Variants in SLC30A10 observed in about 807,000 individuals in gnomAD.
SLC30A10 encodes calcium/manganese antiporter SLC30A10.
Under a neutral mutation model 21.7 loss-of-function variants are expected in SLC30A10, and 8 were observed. That is an observed-to-expected ratio of 0.37 (90% CI 0.22 to 0.67). The LOEUF is 0.67. Ranked by LOEUF, SLC30A10 falls within the 30% of genes least tolerant of loss-of-function variation. SLC30A10 has a pLI of 0.58. For synonymous variants in SLC30A10, 272 were observed against 279.4 expected (o/e 0.97, Z 0.26); for missense variants, 521 against 642.5 (o/e 0.81, Z 2.04).
rs1660189690 is a variant in SLC30A10, at chr1:219,946,664, C to T, written n.80+11904G>A. Among the ~76,000 whole-genome samples the T allele has an allele frequency of 2.6e-5, 4 of 152,184 alleles. No individual in the cohort carries two copies. The South Asian group carries it at 8.3e-4, about 32-fold the overall frequency. Reference sequence around the variant, plus strand: ...CAGCCCTTCCTGGGCTTCCTCCTTCCAACTGCCTGCCCACTGAGAAGGCAC... The same window carrying T: ...CAGCCCTTCCTGGGCTTCCTCCTTCTAACTGCCTGCCCACTGAGAAGGCAC... On this transcript the variant is annotated intron_variant and non_coding_transcript_variant, in intron 1 of 8. Transcript: ENST00000484239.
rs756360673 is a variant in SLC30A10 at position 219,911,635 on chromosome 1, A to T, written c.*3814T>A. Among the ~76,000 whole-genome samples the T allele has an allele frequency of 2.6e-5, 4 of 152,192 alleles. No homozygotes were observed. Among genetic ancestry groups the T allele is most frequent in the Non-Finnish European group, 5.9e-5 (4 of 68,032 alleles). On this transcript the variant is annotated 3_prime_UTR_variant, in exon 4 of 4. Transcript: ENST00000366926. ...TTTCAAATTACATTTTTCTTTAAATATCCAAAGTTCTTATGTGGAAACAAC... is the reference window on the plus strand; with the variant it reads ...TTTCAAATTACATTTTTCTTTAAATTTCCAAAGTTCTTATGTGGAAACAAC...
chr1:219,937,201 G>C lies in SLC30A10; in HGVS notation n.81-10096C>G, dbSNP rs377429512. ...TCATTGTATCTTGACATTGCATGTCGCTGTGGAAAAATCTGAGTACAGCCT... is the reference window on the plus strand; with the variant it reads ...TCATTGTATCTTGACATTGCATGTCCCTGTGGAAAAATCTGAGTACAGCCT... On this transcript the variant is annotated intron_variant and non_coding_transcript_variant, in intron 1 of 8. Coordinates refer to the SLC30A10 transcript ENST00000484239. Among the ~76,000 whole-genome samples, 9 of 152,198 alleles carry C rather than the reference G, an allele frequency of 5.9e-5. No individual in the cohort carries two copies. In the East Asian group the frequency reaches 1.7e-3, roughly 29 times the overall value.
chr1:219,937,483 G>A (rs2102541058), intron 1 of SLC30A10, among the ~76,000 whole-genome samples: 1 of 152,300 alleles, frequency 6.6e-6, no homozygotes, highest in South Asian at 2.1e-4. Flanking sequence ...TCTGCTCTTT[G>A]TTTTCCATAT....
intron 2 of SLC30A10, among the ~76,000 whole-genome samples, chr1:219,921,933 G>C (rs369958524): frequency 2.8e-3 from 423 of 149,538 alleles, no homozygotes; most frequent in African/African-American, 9.9e-3. Context: ...GAGAGAGAGA[G>C]AGAGAGAGAG....
intron 2 of SLC30A10, among the ~76,000 whole-genome samples, chr1:219,925,651 A>ATATATATATATATATTTT (rs1317554458): frequency 1.1e-3 from 55 of 48,278 alleles, no homozygotes; most frequent in Non-Finnish European, 1.5e-3. Context: ...ATATATATAT[A>ATATATATATATATATTTT]TTTTTTTTTT....
rs869249213 is a variant in SLC30A10 at position 219,922,176 on chromosome 1, G to GTTTTTTTTTTTT, written c.719-3694_719-3683dup. Among the ~76,000 whole-genome samples the GTTTTTTTTTTTT allele has an allele frequency of 4.9e-4, 18 of 36,436 alleles. 1 individual carries two copies. The highest frequency in any genetic ancestry group is 7.6e-4 in the Non-Finnish European group (15 of 19,684). The allele number at this position is 36,436 out of a possible 152,430, so 23.9% of individuals were successfully genotyped here. A position where few individuals can be genotyped will look rare whatever the true frequency, so the allele number is the denominator to read the frequency against. On this transcript the variant is annotated intron_variant, in intron 2 of 3. Transcript: ENST00000366926. ...TTCTTGTTTGTGTGTGTGTGTGTGT[G>GTTTTTTTTTTTT]TTTTTTTTTTTTTTTTTTTTTTTTT...
rs1191044803 is a variant in SLC30A10 at position 219,940,887 on chromosome 1, T to C, written n.81-13782A>G. Among the ~76,000 whole-genome samples the C allele has an allele frequency of 3.9e-5, 6 of 152,318 alleles. No individual in the cohort carries two copies. The South Asian group carries it at 1.0e-3, about 26-fold the overall frequency. ...TCAGAGAGGTGAGGGTTGATCAGATTTGTTTGGACAACTGTTGCCTTTGGC... is the reference window on the plus strand; with the variant it reads ...TCAGAGAGGTGAGGGTTGATCAGATCTGTTTGGACAACTGTTGCCTTTGGC... On this transcript the variant is annotated intron_variant and non_coding_transcript_variant, in intron 1 of 8. Coordinates refer to the SLC30A10 transcript ENST00000484239.
chr1:219,936,635 T>C (rs1344302178), intron 1 of SLC30A10, among the ~76,000 whole-genome samples: 1 of 152,188 alleles, frequency 6.6e-6, no homozygotes, highest in Non-Finnish European at 1.5e-5. Context: ...TTTCATTTCT[T>C]GTCTGGTCAT....
chr1:219,927,205 A>G (rs1659846746), intron 1 of SLC30A10, 100 bp from the exon 2 acceptor site: 1 of 1,297,000 alleles, frequency 7.7e-7, no homozygotes, highest in Non-Finnish European at 1.1e-6. Flanking sequence ...TTAAATTTCT[A>G]CTAGCTTAAG....
In SLC30A10 at chr1:219,914,406, C is replaced by T. The variant is rs1269114379; in HGVS notation, c.*1043G>A. The T allele has an allele frequency of 1.3e-5, 2 of 152,166 alleles. No homozygotes were observed. Among genetic ancestry groups the T allele is most frequent in the Non-Finnish European group, 2.9e-5 (2 of 68,024 alleles). The allele number at this position is 152,166 out of a possible 1,614,324, so 9.4% of individuals were successfully genotyped here. ...AGCTAATTCTCATTTCTCCCTTGGG[C>T]ATCAACTTTTTCATTGAGTTACTAG... On this transcript the variant is annotated 3_prime_UTR_variant, in exon 4 of 4. Coordinates refer to ENST00000366926, the MANE Select transcript of SLC30A10 (RefSeq NM_018713.3).
Position 219,910,571 on chromosome 1 carries a change from T to G in SLC30A10, c.*4878A>C, listed in dbSNP as rs187435045. Among the ~76,000 whole-genome samples, 1 of 152,328 alleles carries G rather than the reference T, an allele frequency of 6.6e-6. No individual in the cohort carries two copies. Among genetic ancestry groups the G allele is most frequent in the Non-Finnish European group, 1.5e-5 (1 of 68,028 alleles). Reference sequence around the variant, plus strand: ...TTATTTAAACTTTATGTCTTAGAGTTTTGACAGTTCTCTCAAATGTGAGGA... The same window carrying G: ...TTATTTAAACTTTATGTCTTAGAGTGTTGACAGTTCTCTCAAATGTGAGGA... On this transcript the variant is annotated 3_prime_UTR_variant, in exon 4 of 4. Transcript: ENST00000366926.
rs2102528291 is a variant in SLC30A10 at position 219,920,811 on chromosome 1, G to GT, written c.719-2318dup. On this transcript the variant is annotated intron_variant, in intron 2 of 3. Transcript: ENST00000366926. Reference sequence around the variant, plus strand: ...ATGTGAATTACAGGGCCTGAGCTACGTGACAGGCAGCTGTAAGCTGTTGTA... The same window carrying GT: ...ATGTGAATTACAGGGCCTGAGCTACGTTGACAGGCAGCTGTAAGCTGTTGTA... Among the ~76,000 whole-genome samples, 4 of 152,284 alleles carry GT rather than the reference G, an allele frequency of 2.6e-5. No homozygotes were observed. The East Asian group carries it at 7.7e-4, about 29-fold the overall frequency.
At chr1:219,948,824 C>A (rs991472623) in intron 1 of SLC30A10, among the ~76,000 whole-genome samples, 9 of 152,076 alleles carry the variant, frequency 5.9e-5, no homozygotes, top group Admixed American at 5.2e-4. Context: ...AGTGAACAGG[C>A]AACCTACAAA....
At chr1:219,923,657 G>A (rs1422458677) in intron 2 of SLC30A10, among the ~76,000 whole-genome samples, 1 of 152,174 alleles carries the variant, frequency 6.6e-6, no homozygotes, top group Non-Finnish European at 1.5e-5. Context: ...AATACATCAT[G>A]TTTGATCCTA....
chr1:219,943,785 A>T (rs1169562966), intron 1 of SLC30A10, among the ~76,000 whole-genome samples: 1 of 152,204 alleles, frequency 6.6e-6, no homozygotes, highest in Non-Finnish European at 1.5e-5. Flanking sequence ...TAAAAATGAA[A>T]ACTACAATAA....
At chr1:219,921,984 C>T (rs569494310) in intron 2 of SLC30A10, among the ~76,000 whole-genome samples, 13 of 150,830 alleles carry the variant, frequency 8.6e-5, no homozygotes, top group African/African-American at 3.2e-4. Flanking sequence ...AATGGGGTCT[C>T]CCTCTGTCAC....
In SLC30A10 at chr1:219,915,617, C is replaced by T; in HGVS notation, c.1290G>A (p.Glu430=). 3.1e-6 allele frequency: 5 copies of T among 1,614,254 alleles called. No individual in the cohort carries two copies. Among genetic ancestry groups the T allele is most frequent in the Non-Finnish European group, 4.2e-6 (5 of 1,180,046 alleles). ...LPLAHVNGCA[E]HNGGPSLDTY... is the part of the protein sequence containing the mutation. ...TGTCTAGAGAGGGCCCACCATTGTG[C>T]TCAGCACAGCCATTGACGTGAGCCA... The change falls in exon 4 of 4, where the codon GAG becomes GAA. Residue 430 remains glutamate (E), a synonymous_variant. Transcript: ENST00000366926.
At chr1:219,939,445 T>G (rs1382984976) in intron 1 of SLC30A10, among the ~76,000 whole-genome samples, 1 of 152,156 alleles carries the variant, frequency 6.6e-6, no homozygotes, top group African/African-American at 2.4e-5. Flanking sequence ...TTTTTTTCTT[T>G]GAGACCAAGT....
rs535143790 is a variant in SLC30A10 at position 219,950,816 on chromosome 1, C to T, written n.80+7752G>A. Among the ~76,000 whole-genome samples the T allele has an allele frequency of 1.4e-4, 22 of 151,988 alleles. No homozygotes were observed. The South Asian group carries it at 2.5e-3, about 17-fold the overall frequency. ...CACAAAAATTAGCCAGGCGTGGTGG[C>T]GGGCGCCTGTAATCCCAGCTACTCA... On this transcript the variant is annotated intron_variant and non_coding_transcript_variant, in intron 1 of 8. Coordinates refer to the SLC30A10 transcript ENST00000484239.
Sources: gnomAD v4.1 joint callset for allele counts (sites outside exome capture counted in the v4.1 genomes callset) on GRCh38, gnomAD v4.1.1 for gene constraint, MANE v1.5 for transcripts, NCBI Gene and HGNC (gene_info 2026-07-23, HGNC 2026-07-21) for gene names.